The following MDGA2 variants were observed in gnomAD, a reference collection of about 807,000 sequenced individuals.
The protein encoded by MDGA2 is MAM domain containing glycosylphosphatidylinositol anchor 2.
Under a neutral mutation model 117.8 loss-of-function variants are expected in MDGA2, and 40 were observed. That is an observed-to-expected ratio of 0.34 (90% CI 0.26 to 0.44). The LOEUF (loss-of-function observed/expected upper bound fraction) is 0.44, where lower values mean the gene tolerates loss of function less well. Among genes scored for constraint, MDGA2 ranks in the 20% least tolerant of loss-of-function variants. The probability of loss-of-function intolerance (pLI) is 1.00; values close to 1 mark genes in which losing one functional copy is unlikely to be tolerated. For synonymous variants in MDGA2, 452 were observed against 439.0 expected, an observed-to-expected ratio of 1.03 and a Z score of -0.37; for missense variants, 1,123 against 1,250.6, an observed-to-expected ratio of 0.90 and a Z score of 1.54.
chr14:47,473,401 G>C (rs1176152436), intron 1 of MDGA2, among the ~76,000 whole-genome samples: 1 of 152,176 alleles, frequency 6.6e-6, no homozygotes, highest in Non-Finnish European at 1.5e-5. Context: ...AGCCTTAGCA[G>C]TGCCTAAGAG....
chr14:47,386,402 A>G (rs1891760784), intron 1 of MDGA2, among the ~76,000 whole-genome samples: 1 of 152,232 alleles, frequency 6.6e-6, no homozygotes, highest in Non-Finnish European at 1.5e-5. Flanking sequence ...ACTGACTGAT[A>G]ACACGTAGTT....
chr14:47,633,244 G>A (rs1490172760), intron 1 of MDGA2, among the ~76,000 whole-genome samples: 1 of 151,998 alleles, frequency 6.6e-6, no homozygotes, highest in Admixed American at 6.6e-5. Context: ...TTAAGGGTCA[G>A]GACTATGCCC....
At chr14:47,242,235 G>T (rs1887065567) in intron 2 of MDGA2, among the ~76,000 whole-genome samples, 1 of 151,884 alleles carries the variant, frequency 6.6e-6, no homozygotes. Context: ...ATATTGCCTT[G>T]CATAGAGGAT....
rs1278410068 is a variant in MDGA2, at chr14:46,957,504, C to G, written c.1959G>C (p.Arg653=). The G allele has an allele frequency of 6.2e-7, 1 of 1,614,094 alleles. No individual in the cohort carries two copies. Among genetic ancestry groups the G allele is most frequent in the Non-Finnish European group, 8.5e-7 (1 of 1,180,014 alleles). Reference sequence around the variant, plus strand: ...ATTCCTGAGAGTCAAATTGACCCGTCCGTAATAATTTATTGCCCAAGCGCC... The same window carrying G: ...ATTCCTGAGAGTCAAATTGACCCGTGCGTAATAATTTATTGCCCAAGCGCC... The part of the protein sequence containing the change: ...YEWRLGNKLL[R]TGQFDSQEYT... The change falls in exon 9 of 17, where the codon CGG becomes CGC. Residue 653 remains arginine, a synonymous_variant. Transcript: ENST00000399232.
chr14:47,383,960 A>T (rs1270695067), intron 1 of MDGA2, among the ~76,000 whole-genome samples: 2 of 140,852 alleles, frequency 1.4e-5, no homozygotes, highest in East Asian at 4.2e-4. Flanking sequence ...TAAAGTCTCT[A>T]TGTATAGAGT....
intron 6 of MDGA2, among the ~76,000 whole-genome samples, chr14:47,072,395 A>G (rs574650945): frequency 7.9e-5 from 12 of 152,350 alleles, no homozygotes; most frequent in Admixed American, 7.2e-4. Context: ...CTTGTTGGAT[A>G]TAAGTCAGTC....
intron 10 of MDGA2, among the ~76,000 whole-genome samples, chr14:46,890,417 T>C (rs975978477): frequency 2.6e-5 from 4 of 152,172 alleles, no homozygotes; most frequent in African/African-American, 9.6e-5. Context: ...TTTTAACTTA[T>C]ATAGCAAACT....
chr14:47,448,441 G>A (rs556921790), intron 1 of MDGA2, among the ~76,000 whole-genome samples: 2 of 151,848 alleles, frequency 1.3e-5, no homozygotes, highest in Non-Finnish European at 2.9e-5. Context: ...TGCCCAGCCC[G>A]AAGTCTACTT....
At chr14:46,893,761 A>G (rs1006710356) in intron 10 of MDGA2, among the ~76,000 whole-genome samples, 1 of 152,082 alleles carries the variant, frequency 6.6e-6, no homozygotes, top group African/African-American at 2.4e-5. Context: ...AAATGTAATC[A>G]TAGAGATTGA....
chr14:47,364,578 A>G (rs1167293530), intron 1 of MDGA2, among the ~76,000 whole-genome samples: 1 of 152,252 alleles, frequency 6.6e-6, no homozygotes, highest in Non-Finnish European at 1.5e-5. Context: ...ATTAAATTAA[A>G]TGATAGAGCA....
intron 1 of MDGA2, among the ~76,000 whole-genome samples, chr14:47,549,179 G>C (rs961541165): frequency 9.9e-5 from 15 of 152,142 alleles, no homozygotes; most frequent in African/African-American, 3.6e-4. Flanking sequence ...TGGTTGGTAA[G>C]GGAGAGTGGG....
At chr14:47,221,795 T>C (rs925138388) in intron 2 of MDGA2, among the ~76,000 whole-genome samples, 3 of 151,460 alleles carry the variant, frequency 2.0e-5, no homozygotes, top group African/African-American at 7.3e-5. Flanking sequence ...TAATTTAAAA[T>C]AAATATACAT....
intron 8 of MDGA2, among the ~76,000 whole-genome samples, chr14:46,990,780 T>TTACTAATCTGA (rs1887057530): frequency 6.6e-6 from 1 of 151,910 alleles, no homozygotes; most frequent in African/African-American, 2.4e-5. Flanking sequence ...AGCAATGTGC[T>TTACTAATCTGA]TACTAATCTG....
intron 14 of MDGA2, among the ~76,000 whole-genome samples, chr14:46,863,154 C>T (rs1034476254): frequency 3.9e-5 from 6 of 151,910 alleles, no homozygotes; most frequent in African/African-American, 1.2e-4. Context: ...ATTCTTTGGC[C>T]TTTGTTCTCC....
intron 1 of MDGA2, among the ~76,000 whole-genome samples, chr14:47,553,889 T>C (rs1040035074): frequency 8.5e-5 from 13 of 152,216 alleles, no homozygotes; most frequent in South Asian, 4.1e-4. Context: ...ACTTTCCTAA[T>C]AGCTAAGTCA....
At chr14:47,010,164 G>T (rs1457869269) in intron 8 of MDGA2, among the ~76,000 whole-genome samples, 1 of 151,918 alleles carries the variant, frequency 6.6e-6, no homozygotes, top group East Asian at 1.9e-4. Context: ...TGACTTCCTG[G>T]ACAGTTGGAA....
chr14:47,416,296 A>G (rs199736588), intron 1 of MDGA2, among the ~76,000 whole-genome samples: 2 of 120,668 alleles, frequency 1.7e-5, no homozygotes, highest in Non-Finnish European at 3.4e-5. Context: ...CTTCCAAAAA[A>G]GAAAAAGAAA....
intron 1 of MDGA2, among the ~76,000 whole-genome samples, chr14:47,408,034 G>A (rs1004802780): frequency 2.0e-5 from 3 of 149,080 alleles, no homozygotes; most frequent in Non-Finnish European, 4.5e-5. Flanking sequence ...AATGTTGTGA[G>A]CCTTAAAATA....
intron 1 of MDGA2, among the ~76,000 whole-genome samples, chr14:47,460,318 T>C (rs1273173372): frequency 6.6e-6 from 1 of 151,886 alleles, no homozygotes; most frequent in Non-Finnish European, 1.5e-5. Context: ...AAAAAAAGAG[T>C]AAAGAAGGTT....
Sources: allele counts gnomAD v4.1 joint callset (sites outside exome capture counted in the v4.1 genomes callset), GRCh38; gene constraint gnomAD v4.1.1; transcripts MANE v1.5; gene names NCBI Gene and HGNC (gene_info 2026-07-23, HGNC 2026-07-21).